The following CHD5 variants were observed in gnomAD, a reference collection of about 807,000 sequenced individuals.
CHD5 encodes ATP-dependent chromatin remodeler CHD5.
A neutral mutation model predicts 230.3 loss-of-function variants in CHD5; 69 were observed. The ratio of observed to expected loss-of-function variants is 0.30; its 90% CI spans 0.25 to 0.37. CHD5 has a LOEUF of 0.37. Ranked by LOEUF, CHD5 falls within the 10% of genes least tolerant of loss-of-function variation. The probability of loss-of-function intolerance (pLI) is 1.00; values close to 1 mark genes in which losing one functional copy is unlikely to be tolerated. For synonymous variants in CHD5, 1,064 were observed against 1,065.9 expected, an observed-to-expected ratio of 1.00 and a Z score of 0.03; for missense variants, 1,827 against 2,622.8, an observed-to-expected ratio of 0.70 and a Z score of 6.63.
intron 2 of CHD5, among the ~76,000 whole-genome samples, chr1:6,159,768 G>T (rs574982516): frequency 4.3e-4 from 66 of 152,404 alleles, no homozygotes; most frequent in Non-Finnish European, 7.6e-4. Context: ...ACCTGCAGGT[G>T]AGGCGAGGTG....
intron 38 of CHD5, among the ~76,000 whole-genome samples, chr1:6,107,551 TGAAG>T (rs1666206370): frequency 7.5e-6 from 1 of 134,166 alleles, no homozygotes; most frequent in African/African-American, 2.9e-5. Flanking sequence ...GGAGGGATAA[TGAAG>T]GGATGATGGA....
In CHD5 at chr1:6,179,960, C is replaced by A; in HGVS notation, c.64G>T (p.Glu22Ter). 1 of 1,368,896 alleles carries A rather than the reference C, an allele frequency of 7.3e-7. No individual in the cohort carries two copies. Among genetic ancestry groups the A allele is most frequent in the Non-Finnish European group, 9.6e-7 (1 of 1,046,276 alleles). 84.8% of individuals were successfully genotyped at this position (1,368,896 alleles called of 1,614,324 possible). ...CCCCGCTCACCTGACATCTCGTCCTCATTCTCCATCTCCTCGGCGAACAGC... is the reference window on the plus strand; with the variant it reads ...CCCCGCTCACCTGACATCTCGTCCTAATTCTCCATCTCCTCGGCGAACAGC... ...PRLFAEEMEN[E>*]DEMSEEEDGG... Residue 22 changes from glutamate to a stop codon, truncating the protein, a stop_gained, in exon 1 of 42, where the codon GAG becomes TAG. Transcript: ENST00000262450. LOFTEE classifies it high-confidence loss of function.
chr1:6,141,921 G>A (rs1557550350), intron 15 of CHD5, among the ~76,000 whole-genome samples: 3 of 152,124 alleles, frequency 2.0e-5, no homozygotes, highest in Admixed American at 6.5e-5. Context: ...TCTGCTGTTT[G>A]AAGCCACTCC....
In CHD5 at chr1:6,126,607, T is replaced by C; in HGVS notation, c.4043A>G (p.Gln1348Arg). The C allele has an allele frequency of 6.2e-7, 1 of 1,613,714 alleles. No individual in the cohort carries two copies. The highest frequency in any genetic ancestry group is 8.5e-7 in the Non-Finnish European group (1 of 1,180,034). The change falls in exon 26 of 42, where the codon CAG (glutamine) becomes CGG (arginine). Residue 1348 changes from glutamine to arginine, a missense_variant. This residue lies in a region of CHD5 where 137 missense variants were observed against 272.7 expected (regional missense o/e 0.50). Coordinates refer to ENST00000262450, the MANE Select transcript of CHD5 (RefSeq NM_015557.3). The surrounding 1 kb of genome is among the most constrained non-coding windows in gnomAD (Gnocchi z 5.7). ...CTGGGAGGCATCGTTGTAGTTGACC[T>C]GCTTGCGGATGCGCTTGCCCTTGCC... ...NLGKGKRIRK[Q>R]VNYNDASQED...
At position 6,159,602 on chromosome 1, in the gene CHD5, C is replaced by T. The variant is rs1157807861; in HGVS notation, c.208-87G>A. ...GGCAGGACGGCCCTGAGAGCTACCT[C>T]CTGGCCCACGCTGGGGATCGACCGA... On this transcript the variant is annotated intron_variant, in intron 2 of 41. Transcript: ENST00000262450. The T allele has an allele frequency of 5.2e-5, 57 of 1,102,816 alleles. 2 individuals carry two copies. In the Middle Eastern group the frequency reaches 4.3e-3, roughly 83 times the overall value. The allele number at this position is 1,102,816 out of a possible 1,614,324, so 68.3% of individuals were successfully genotyped here.
chr1:6,118,106 G>T (rs113386859), intron 33 of CHD5, among the ~76,000 whole-genome samples: 92 of 152,214 alleles, frequency 6.0e-4, no homozygotes, highest in African/African-American at 2.1e-3. Flanking sequence ...AAAAAGAAAT[G>T]AAGTACTGCC....
chr1:6,146,489 C>CA lies in CHD5; in HGVS notation c.1591-67dup. 6.6e-7 allele frequency: 1 copy of CA among 1,515,118 alleles called. No homozygotes were observed. The highest frequency in any genetic ancestry group is 9.1e-7 in the Non-Finnish European group (1 of 1,099,308). The allele number at this position is 1,515,118 out of a possible 1,614,324, so 93.9% of individuals were successfully genotyped here. On this transcript the variant is annotated intron_variant, in intron 10 of 41. Coordinates refer to ENST00000262450, the MANE Select transcript of CHD5 (RefSeq NM_015557.3). This position sits in a 1 kb window ranked among gnomAD's most constrained non-coding sequence, Gnocchi z 5.1. The stretch of plus-strand genomic sequence containing the variant: ...CCATGGTCCCCTGCATCTCCCTACC[C>CA]AGCTCCTCTAGCCCCAGCCCAGGTC...
chr1:6,128,231 C>A lies in CHD5; in HGVS notation c.3731-13G>T. On this transcript the variant is annotated splice_polypyrimidine_tract_variant and intron_variant, in intron 24 of 41. Transcript: ENST00000262450. The surrounding 1 kb of genome is among the most constrained non-coding windows in gnomAD (Gnocchi z 7.8). ...TCCTTGTTGTCACCTGGGGAGCAGG[C>A]AAATGCAGTGTGAGGACAAAGACTG... The A allele has an allele frequency of 6.2e-7, 1 of 1,613,048 alleles. No individual in the cohort carries two copies. Among genetic ancestry groups the A allele is most frequent in the Non-Finnish European group, 8.5e-7 (1 of 1,179,450 alleles).
intron 33 of CHD5, among the ~76,000 whole-genome samples, chr1:6,120,141 G>A (rs1666446043): frequency 6.6e-6 from 1 of 152,054 alleles, no homozygotes; most frequent in Non-Finnish European, 1.5e-5. Flanking sequence ...GATTACAGGT[G>A]TGAGCCACCA....
intron 2 of CHD5, among the ~76,000 whole-genome samples, chr1:6,166,310 G>C (rs1024461913): frequency 1.3e-5 from 2 of 151,700 alleles, no homozygotes; most frequent in Non-Finnish European, 2.9e-5. Context: ...AGCAGTGGGG[G>C]TGCTGCACAG....
rs1666954712 is a variant in CHD5 at position 6,148,994 on chromosome 1, G to GGTC, written c.1240_1242dup (p.Asp414dup). ...TTGCACACGCGGCAGAACTCCATGTGGTCGTCCTCCTCCTCCTCGCAGCCG... is the reference window on the plus strand; with the variant it reads ...TTGCACACGCGGCAGAACTCCATGTGGTCGTCGTCCTCCTCCTCCTCGCAGCCG... On this transcript the variant is annotated inframe_insertion, in exon 9 of 42. Transcript: ENST00000262450. 1 of 1,608,100 alleles carries GGTC rather than the reference G, an allele frequency of 6.2e-7. No individual in the cohort carries two copies. Among genetic ancestry groups the GGTC allele is most frequent in the Non-Finnish European group, 8.5e-7 (1 of 1,177,664 alleles).
chr1:6,159,987 G>A (rs1012907500), intron 2 of CHD5, among the ~76,000 whole-genome samples: 2 of 152,164 alleles, frequency 1.3e-5, no homozygotes, highest in African/African-American at 4.8e-5. Flanking sequence ...CACAGGAAGA[G>A]CCCCAGCCAG....
intron 1 of CHD5, among the ~76,000 whole-genome samples, chr1:6,171,393 C>T (rs898702174): frequency 5.3e-5 from 8 of 152,180 alleles, no homozygotes; most frequent in African/African-American, 1.9e-4. Flanking sequence ...AACTGGCACA[C>T]GGAGACGGGG....
At chr1:6,147,998 C>G (rs769184553) in intron 9 of CHD5, among the ~76,000 whole-genome samples, 20 of 152,088 alleles carry the variant, frequency 1.3e-4, no homozygotes, top group Non-Finnish European at 2.2e-4. Flanking sequence ...CTCCTGCCCC[C>G]CTCCCATCCC....
rs927466850 is a variant in CHD5 at position 6,134,635 on chromosome 1, G to A, written c.3012+83C>T. The A allele has an allele frequency of 7.4e-5, 103 of 1,392,416 alleles. No individual in the cohort carries two copies. The highest frequency in any genetic ancestry group is 1.0e-4 in the African/African-American group (7 of 69,998). The allele number at this position is 1,392,416 out of a possible 1,614,324, so 86.3% of individuals were successfully genotyped here. On this transcript the variant is annotated intron_variant, in intron 19 of 41. Coordinates refer to ENST00000262450, the MANE Select transcript of CHD5 (RefSeq NM_015557.3). This position sits in a 1 kb window ranked among gnomAD's most constrained non-coding sequence, Gnocchi z 6.3. Reference sequence around the variant, plus strand: ...AATGGCCAGGAGAACCTATCACAGCGGCCACAGGGACCTACCATGGCGGCC... The same window carrying A: ...AATGGCCAGGAGAACCTATCACAGCAGCCACAGGGACCTACCATGGCGGCC...
At chr1:6,122,199 G>A (rs566487552) in intron 31 of CHD5, among the ~76,000 whole-genome samples, 31 of 152,336 alleles carry the variant, frequency 2.0e-4, no homozygotes, top group African/African-American at 7.2e-4. Flanking sequence ...CCATCACCAT[G>A]GGATAGCTAT....
intron 25 of CHD5, among the ~76,000 whole-genome samples, chr1:6,127,809 G>A (rs1050969289): frequency 2.6e-5 from 4 of 152,226 alleles, no homozygotes; most frequent in Non-Finnish European, 4.4e-5. Context: ...CTGAGCCCGC[G>A]GGTGGAGCGA....
Position 6,167,096 on chromosome 1 carries a change from T to A in CHD5, c.207+1054A>T, listed in dbSNP as rs1268418152. 6.6e-6 allele frequency among the ~76,000 whole-genome samples: 1 copy of A among 152,090 alleles called. No homozygotes were observed. Among genetic ancestry groups the A allele is most frequent in the Non-Finnish European group, 1.5e-5 (1 of 67,996 alleles). On this transcript the variant is annotated intron_variant, in intron 2 of 41. Coordinates refer to ENST00000262450, the MANE Select transcript of CHD5 (RefSeq NM_015557.3). The surrounding 1 kb of genome is among the most constrained non-coding windows in gnomAD (Gnocchi z 4.5). ...CACCTCACCTCACCACCACTGCGCC[T>A]CACCAGCTACCTCCCTGGGCCTCTC...
intron 11 of CHD5, among the ~76,000 whole-genome samples, chr1:6,145,981 T>C (rs755525373): frequency 1.3e-5 from 2 of 152,154 alleles, no homozygotes; most frequent in Non-Finnish European, 2.9e-5. Flanking sequence ...TGAACACGTA[T>C]GCATGAGTGT....
Sources: allele counts gnomAD v4.1 joint callset (sites outside exome capture counted in the v4.1 genomes callset), GRCh38; gene constraint gnomAD v4.1.1; regional missense constraint gnomAD v4.1.1; non-coding constraint Gnocchi (gnomAD v3.1); transcripts MANE v1.5; gene names NCBI Gene and HGNC (gene_info 2026-07-23, HGNC 2026-07-21).